Variants in RALGPS2 observed in about 807,000 individuals in gnomAD.
RALGPS2 encodes Ral GEF with PH domain and SH3 binding motif 2.
RALGPS2 carries 43 observed loss-of-function variants against 86.8 expected under a neutral mutation model. The observed-to-expected ratio is 0.50, with a 90% confidence interval of 0.39 to 0.64. The LOEUF is 0.64. Among genes scored for constraint, RALGPS2 ranks in the 30% least tolerant of loss-of-function variants. The pLI is 0.00. For synonymous variants in RALGPS2, 243 were observed against 231.3 expected (o/e 1.05, Z -0.46); for missense variants, 536 against 694.6 (o/e 0.77, Z 2.57).
intron 7 of RALGPS2, among the ~76,000 whole-genome samples, chr1:178,831,298 A>G (rs1003608140): frequency 2.0e-5 from 3 of 152,148 alleles, no homozygotes. Flanking sequence ...ATTAATCTGC[A>G]CCCCGGGTCT....
intron 8 of RALGPS2, among the ~76,000 whole-genome samples, chr1:178,857,381 T>C (rs911706482): frequency 1.3e-5 from 2 of 152,192 alleles, no homozygotes; most frequent in Non-Finnish European, 2.9e-5. Context: ...CTGCATCTAC[T>C]ACAGGCTAAG....
At chr1:178,799,825 A>G (rs776564601) in intron 4 of RALGPS2, among the ~76,000 whole-genome samples, 2 of 152,188 alleles carry the variant, frequency 1.3e-5, no homozygotes, top group Non-Finnish European at 2.9e-5. Flanking sequence ...AGTCTAAAAG[A>G]ATTGCACTAT....
In RALGPS2 at chr1:178,785,095, A is replaced by G. The variant is rs142322778; in HGVS notation, c.163-462A>G. Reference sequence around the variant, plus strand: ...TGACTTTTGTCTTATATCTATAGCCATAAGTGGGATAGGTCCATAGCATAT... The same window carrying G: ...TGACTTTTGTCTTATATCTATAGCCGTAAGTGGGATAGGTCCATAGCATAT... On this transcript the variant is annotated intron_variant, in intron 3 of 19. Coordinates refer to ENST00000367635, the MANE Select transcript of RALGPS2 (RefSeq NM_152663.5). Among the ~76,000 whole-genome samples the G allele has an allele frequency of 5.1e-3, 773 of 152,112 alleles. 8 individuals are homozygous for G. Among genetic ancestry groups the G allele is most frequent in the African/African-American group, 0.017 (723 of 41,556 alleles).
At chr1:178,754,554 T>TA (rs1299317435) in intron 1 of RALGPS2, among the ~76,000 whole-genome samples, 1 of 152,166 alleles carries the variant, frequency 6.6e-6, no homozygotes, top group Non-Finnish European at 1.5e-5. Context: ...AGTTCCCTCT[T>TA]ACAGCCTTTT....
At chr1:178,852,599 C>T in intron 8 of RALGPS2, 1 of 1,439,162 alleles carries the variant, frequency 6.9e-7, no homozygotes, top group Non-Finnish European at 9.4e-7. Flanking sequence ...TTTGAAAAGA[C>T]TTTAGTAGCA....
At chr1:178,812,008 G>C (rs557802335) in intron 6 of RALGPS2, among the ~76,000 whole-genome samples, 8 of 152,168 alleles carry the variant, frequency 5.3e-5, no homozygotes, top group Non-Finnish European at 1.2e-4. Context: ...GGGGCAGAAA[G>C]GGGGAGTGAG....
At chr1:178,771,190 T>C (rs1000919925) in intron 1 of RALGPS2, among the ~76,000 whole-genome samples, 1 of 152,220 alleles carries the variant, frequency 6.6e-6, no homozygotes, top group Non-Finnish European at 1.5e-5. Flanking sequence ...GAAATTGATA[T>C]GGTAATCTAC....
intron 7 of RALGPS2, among the ~76,000 whole-genome samples, chr1:178,827,380 T>C (rs115918086): frequency 0.024 from 3,677 of 150,290 alleles, 151 homozygotes; most frequent in African/African-American, 0.085. Context: ...GCTAGAGACA[T>C]CATACTCTCT....
intron 5 of RALGPS2, among the ~76,000 whole-genome samples, chr1:178,808,833 C>A (rs1453747333): frequency 6.6e-6 from 1 of 152,132 alleles, no homozygotes; most frequent in Non-Finnish European, 1.5e-5. Flanking sequence ...CAGTTAAAGG[C>A]AGCCTGTAGT....
intron 1 of RALGPS2, among the ~76,000 whole-genome samples, chr1:178,766,067 A>G (rs879685681): frequency 2.0e-5 from 3 of 152,256 alleles, no homozygotes; most frequent in Admixed American, 1.3e-4. Context: ...AAAGACAGGC[A>G]TAGGAAGTCA....
intron 8 of RALGPS2, among the ~76,000 whole-genome samples, chr1:178,845,178 T>G (rs1204356215): frequency 3.3e-5 from 5 of 152,098 alleles, no homozygotes; most frequent in African/African-American, 4.8e-5. Context: ...TGCTTCCTAT[T>G]AAGTAGAAGC....
chr1:178,831,497 A>C (rs1427028516), intron 7 of RALGPS2, among the ~76,000 whole-genome samples: 1 of 152,104 alleles, frequency 6.6e-6, no homozygotes, highest in African/African-American at 2.4e-5. Context: ...GGTCAGGAAC[A>C]TCTAGAATTC....
At chr1:178,847,368 C>T (rs1437644272) in intron 8 of RALGPS2, among the ~76,000 whole-genome samples, 1 of 152,066 alleles carries the variant, frequency 6.6e-6, no homozygotes, top group Non-Finnish European at 1.5e-5. Context: ...ATCACTTGAA[C>T]CCGGGAGGCA....
intron 2 of RALGPS2, among the ~76,000 whole-genome samples, chr1:178,782,772 C>A (rs1315089637): frequency 3.3e-5 from 5 of 151,790 alleles, no homozygotes; most frequent in Non-Finnish European, 7.4e-5. Context: ...CTAGGGAAAA[C>A]CAAAGACAAC....
intron 8 of RALGPS2, among the ~76,000 whole-genome samples, chr1:178,843,747 A>G (rs528765201): frequency 7.9e-5 from 12 of 152,230 alleles, no homozygotes; most frequent in African/African-American, 2.9e-4. Context: ...AATTTTAGAT[A>G]CTGGTATTCT....
At position 178,918,833 on chromosome 1, in the gene RALGPS2, T is replaced by C. The variant is rs1308761206; in HGVS notation, c.*2474T>C. On this transcript the variant is annotated 3_prime_UTR_variant, in exon 20 of 20. Transcript: ENST00000367635. ...ACCTGATAATAATTCAAAGAAAATA[T>C]GTTACCAAAATATATTAAATATATA... is the stretch of plus-strand genomic sequence containing the variant. 2 of 152,120 alleles carry C rather than the reference T, an allele frequency of 1.3e-5. No homozygotes were observed. Among genetic ancestry groups the C allele is most frequent in the African/African-American group, 2.4e-5 (1 of 41,466 alleles). 9.4% of individuals were successfully genotyped at this position (152,120 alleles called of 1,614,324 possible). A position where few individuals can be genotyped will look rare whatever the true frequency, so the allele number is the denominator to read the frequency against.
chr1:178,770,507 CTTTTTTT>C (rs747336558), intron 1 of RALGPS2, among the ~76,000 whole-genome samples: 1 of 136,210 alleles, frequency 7.3e-6, no homozygotes, highest in Admixed American at 7.4e-5. Flanking sequence ...ATACTTCATA[CTTTTTTT>C]TTTTTTTTTT....
At position 178,733,092 on chromosome 1, in the gene RALGPS2, C is replaced by G. The variant is rs370768478; in HGVS notation, c.-84+7673C>G. Among the ~76,000 whole-genome samples, 417 of 152,130 alleles carry G rather than the reference C, an allele frequency of 2.7e-3. 3 individuals are homozygous for G. The highest frequency in any genetic ancestry group is 8.5e-3 in the South Asian group (41 of 4,826). ...TTCTGTAACGTAGGGATTCTTTGTT[C>G]CTTGAAGGAACTATAGATTTAATAT... On this transcript the variant is annotated intron_variant, in intron 1 of 19. Transcript: ENST00000367635.
At chr1:178,862,299 G>T (rs1658078905) in intron 8 of RALGPS2, among the ~76,000 whole-genome samples, 1 of 152,074 alleles carries the variant, frequency 6.6e-6, no homozygotes, top group Middle Eastern at 3.2e-3. Context: ...TTTCATGAGG[G>T]TCTTTGGAAT....
Sources: gnomAD v4.1 joint callset for allele counts (sites outside exome capture counted in the v4.1 genomes callset) on GRCh38, gnomAD v4.1.1 for gene constraint, MANE v1.5 for transcripts, NCBI Gene and HGNC (gene_info 2026-07-23, HGNC 2026-07-21) for gene names.